EYS: variants seen among roughly 807,000 people sequenced by gnomAD.
EYS encodes the protein protein eyes shut homolog.
A neutral mutation model predicts 282.1 loss-of-function variants in EYS; 250 were observed. The ratio of observed to expected loss-of-function variants is 0.89; its 90% CI spans 0.80 to 0.98. EYS has a LOEUF of 0.98. Among genes scored for constraint, EYS ranks in the 50% least tolerant of loss-of-function variants. EYS has a pLI of 0.00. For synonymous variants in EYS, 1,355 were observed against 1,282.9 expected, an observed-to-expected ratio of 1.06 and a Z score of -1.20; for missense variants, 4,016 against 3,709.0, an observed-to-expected ratio of 1.08 and a Z score of -2.15.
intron 31 of EYS, among the ~76,000 whole-genome samples, chr6:64,183,763 G>C (rs1244141996): frequency 6.6e-6 from 1 of 151,304 alleles, no homozygotes; most frequent in Non-Finnish European, 1.5e-5. Flanking sequence ...TTGAAACAGT[G>C]GTGGGACATC....
chr6:64,589,324 G>A (rs1362660636), intron 26 of EYS, among the ~76,000 whole-genome samples: 3 of 151,866 alleles, frequency 2.0e-5, no homozygotes, highest in Non-Finnish European at 2.9e-5. Flanking sequence ...CCTTTTAAAC[G>A]TTGGGGTAAT....
At chr6:65,154,859 A>T (rs2150217622) in intron 12 of EYS, among the ~76,000 whole-genome samples, 1 of 151,774 alleles carries the variant, frequency 6.6e-6, no homozygotes, top group South Asian at 2.1e-4. Context: ...TAGACAAGCC[A>T]CTCAACCAAA....
chr6:64,653,445 A>G (rs1202292314), intron 22 of EYS, among the ~76,000 whole-genome samples: 1 of 152,216 alleles, frequency 6.6e-6, no homozygotes, highest in Non-Finnish European at 1.5e-5. Context: ...TTGGGAATAT[A>G]TTAGGCGGGT....
At chr6:64,324,903 A>G (rs988596860) in intron 29 of EYS, among the ~76,000 whole-genome samples, 1 of 152,162 alleles carries the variant, frequency 6.6e-6, no homozygotes, top group Non-Finnish European at 1.5e-5. Flanking sequence ...GAATACAGCT[A>G]ACCAAATAGG....
At chr6:65,610,692 T>C (rs1019471491) in intron 2 of EYS, among the ~76,000 whole-genome samples, 4 of 152,134 alleles carry the variant, frequency 2.6e-5, no homozygotes, top group African/African-American at 4.8e-5. Context: ...TCTAGTTTTA[T>C]TAACGGATTA....
intron 12 of EYS, among the ~76,000 whole-genome samples, chr6:65,240,725 A>G (rs1322690116): frequency 6.6e-6 from 1 of 152,146 alleles, no homozygotes; most frequent in Non-Finnish European, 1.5e-5. Context: ...TGTTGTTGTG[A>G]ATAGTGCTGC....
chr6:64,786,472 G>A (rs972836061), intron 22 of EYS, among the ~76,000 whole-genome samples: 2 of 151,846 alleles, frequency 1.3e-5, no homozygotes, highest in African/African-American at 4.8e-5. Flanking sequence ...CTTTTAATAT[G>A]CAAATGCAGG....
At chr6:63,970,374 G>A (rs1440431690) in intron 35 of EYS, among the ~76,000 whole-genome samples, 6 of 152,076 alleles carry the variant, frequency 3.9e-5, no homozygotes, top group Non-Finnish European at 7.4e-5. Context: ...AGTGGCTCAC[G>A]CCTGTAATCC....
intron 26 of EYS, among the ~76,000 whole-genome samples, chr6:64,576,011 G>A (rs1479735563): frequency 1.3e-5 from 2 of 152,102 alleles, no homozygotes; most frequent in African/African-American, 4.8e-5. Context: ...AAGACAAAGA[G>A]CTAGTAAGTT....
At chr6:64,944,188 C>A (rs1265509620) in intron 15 of EYS, among the ~76,000 whole-genome samples, 1 of 151,946 alleles carries the variant, frequency 6.6e-6, no homozygotes, top group Non-Finnish European at 1.5e-5. Context: ...GAAACTGGAC[C>A]CTTACCTTTT....
At chr6:64,536,916 T>A (rs1429245180) in intron 26 of EYS, among the ~76,000 whole-genome samples, 1 of 151,934 alleles carries the variant, frequency 6.6e-6, no homozygotes, top group Non-Finnish European at 1.5e-5. Flanking sequence ...AATAGACCAC[T>A]TTGTCCAAGA....
At chr6:64,754,390 A>T (rs560846425) in intron 22 of EYS, among the ~76,000 whole-genome samples, 1 of 33,400 alleles carries the variant, frequency 3.0e-5, no homozygotes, top group African/African-American at 1.8e-4. Context: ...TCAGATTCAC[A>T]GCTGATGCCA....
At chr6:65,467,882 T>C (rs953960146) in intron 5 of EYS, among the ~76,000 whole-genome samples, 1 of 152,114 alleles carries the variant, frequency 6.6e-6, no homozygotes, top group Non-Finnish European at 1.5e-5. Context: ...AAAAAAGCCA[T>C]AGACAAAGAT....
At chr6:64,423,428 T>C (rs944373740) in intron 28 of EYS, among the ~76,000 whole-genome samples, 6 of 152,226 alleles carry the variant, frequency 3.9e-5, no homozygotes, top group African/African-American at 1.4e-4. Context: ...ATATACACAA[T>C]GTTTCTAATT....
chr6:64,395,833 A>G (rs1183774164), intron 28 of EYS, among the ~76,000 whole-genome samples: 1 of 152,162 alleles, frequency 6.6e-6, no homozygotes, highest in Non-Finnish European at 1.5e-5. Flanking sequence ...TACACATATT[A>G]TAAAAGACAC....
At chr6:64,269,255 C>T (rs1400156063) in intron 30 of EYS, among the ~76,000 whole-genome samples, 2 of 151,976 alleles carry the variant, frequency 1.3e-5, no homozygotes, top group African/African-American at 4.8e-5. Flanking sequence ...ATAGATTAAT[C>T]TTATAAGGGA....
chr6:63,899,385 T>C (rs1773609079), intron 35 of EYS, among the ~76,000 whole-genome samples: 1 of 152,152 alleles, frequency 6.6e-6, no homozygotes, highest in African/African-American at 2.4e-5. Context: ...CAAATGTCAC[T>C]CTCCTTTCTA....
At chr6:64,025,433 C>T (rs148484135) in intron 33 of EYS, among the ~76,000 whole-genome samples, 1 of 152,158 alleles carries the variant, frequency 6.6e-6, no homozygotes, top group African/African-American at 2.4e-5. Context: ...CTGACCCTTG[C>T]CCCTTGGGTC....
At chr6:65,662,902 G>A (rs1768055995) in intron 1 of EYS, among the ~76,000 whole-genome samples, 1 of 152,112 alleles carries the variant, frequency 6.6e-6, no homozygotes, top group South Asian at 2.1e-4. Flanking sequence ...AAACTAGGAT[G>A]TTGGCACTAT....
Sources: allele counts gnomAD v4.1 joint callset (sites outside exome capture counted in the v4.1 genomes callset), GRCh38; gene constraint gnomAD v4.1.1; transcripts MANE v1.5; gene names NCBI Gene and HGNC (gene_info 2026-07-23, HGNC 2026-07-21).